Variants in PGBD2 observed in about 807,000 individuals in gnomAD.
PGBD2 encodes piggyBac transposable element-derived protein 2.
Under a neutral mutation model 8.1 loss-of-function variants are expected in PGBD2, and 6 were observed. The observed-to-expected ratio is 0.74, with a 90% CI of 0.40 to 1.46. PGBD2 has a LOEUF of 1.46. Ranked by LOEUF, PGBD2 falls within the 40% of genes most tolerant of loss-of-function variation. The pLI is 0.02. For missense variants in PGBD2, 802 were observed against 739.0 expected, an observed-to-expected ratio of 1.09 and a Z score of -0.99; for synonymous variants, 318 against 272.2, an observed-to-expected ratio of 1.17 and a Z score of -1.66.
chr1:248,929,478 G>T, the PGBD2 span, among the ~76,000 whole-genome samples: 1 of 152,134 alleles, frequency 6.6e-6, no homozygotes, highest in East Asian at 1.9e-4. Flanking sequence ...TCACCCCAGG[G>T]TTCTTTTCAT....
chr1:248,927,953 A>T, the PGBD2 span, among the ~76,000 whole-genome samples: 6 of 152,220 alleles, frequency 3.9e-5, no homozygotes, highest in African/African-American at 7.2e-5. Flanking sequence ...GCAGGCTGGG[A>T]AACTCACAGT....
At chr1:248,873,946 A>T in the PGBD2 span, among the ~76,000 whole-genome samples, 1 of 152,160 alleles carries the variant, frequency 6.6e-6, no homozygotes, top group Non-Finnish European at 1.5e-5. Context: ...GTGGGTTCGA[A>T]TCCCACTTCT....
the PGBD2 span, among the ~76,000 whole-genome samples, chr1:248,928,722 C>T: frequency 6.6e-6 from 1 of 152,188 alleles, no homozygotes; most frequent in Non-Finnish European, 1.5e-5. Flanking sequence ...AACAATTCTG[C>T]TTCACTTCAA....
rs771910586 is a variant in PGBD2 at position 248,916,593 on chromosome 1, T to A, written c.18-9T>A. On this transcript the variant is annotated splice_polypyrimidine_tract_variant and intron_variant, in intron 2 of 2. Coordinates refer to ENST00000329291, the MANE Select transcript of PGBD2 (RefSeq NM_170725.3). ...GGCCTCTTCCTGATTCTGTTTCCTG[T>A]CATAACAGAGATGTCATTGCTGGGA... 1 of 1,612,476 alleles carries A rather than the reference T, an allele frequency of 6.2e-7. No homozygotes were observed. The highest frequency in any genetic ancestry group is 1.1e-5 in the South Asian group (1 of 91,006).
the PGBD2 span, among the ~76,000 whole-genome samples, chr1:248,884,427 G>T: frequency 2.0e-5 from 3 of 151,530 alleles, no homozygotes; most frequent in Non-Finnish European, 4.4e-5. Flanking sequence ...TGCAACCTTC[G>T]CCTCCTGGGT....
At chr1:248,890,175 A>C in the PGBD2 span, among the ~76,000 whole-genome samples, 67 of 151,854 alleles carry the variant, frequency 4.4e-4, no homozygotes, top group East Asian at 1.7e-3. Context: ...GATCCGCCTG[A>C]CTCAGCCTCC....
At chr1:248,885,244 C>T in the PGBD2 span, among the ~76,000 whole-genome samples, 1 of 151,882 alleles carries the variant, frequency 6.6e-6, no homozygotes, top group South Asian at 2.1e-4. Flanking sequence ...AAGTGATTCT[C>T]TCACTTCAGT....
the PGBD2 span, among the ~76,000 whole-genome samples, chr1:248,893,543 A>G: frequency 6.6e-6 from 1 of 152,226 alleles, no homozygotes; most frequent in Admixed American, 6.5e-5. Flanking sequence ...GACTGCAAAT[A>G]GTAGGATTTC....
At position 248,918,142 on chromosome 1, in the gene PGBD2, A is replaced by G. The variant is rs527715237; in HGVS notation, c.1558A>G (p.Ile520Val). The change falls in exon 3 of 3, where the codon ATT becomes GTT. Residue 520 changes from isoleucine to valine, a missense_variant. Physicochemically the swap from Ile to Val is conservative, Grantham distance 29 (BLOSUM62 3). Transcript: ENST00000329291. Reference sequence around the variant, plus strand: ...GGACCTCCTTGCCTTCCGGAGATACATTGCCTGTGTGTATCTGGAGAGCAA... The same window carrying G: ...GGACCTCCTTGCCTTCCGGAGATACGTTGCCTGTGTGTATCTGGAGAGCAA... ...QVDLLAFRRY[I>V]ACVYLESNAD... 20 of 1,614,070 alleles carry G rather than the reference A, an allele frequency of 1.2e-5. No homozygotes were observed. Among genetic ancestry groups the G allele is most frequent in the Non-Finnish European group, 1.5e-5 (18 of 1,180,034 alleles).
the PGBD2 span, among the ~76,000 whole-genome samples, chr1:248,928,095 T>A: frequency 8.7e-4 from 132 of 152,286 alleles, no homozygotes; most frequent in East Asian, 0.016. Flanking sequence ...TTGCTTTTTT[T>A]AAAAAAATTC....
At chr1:248,875,308 C>CAAAAAAAAAAAAAAA in the PGBD2 span, among the ~76,000 whole-genome samples, 378 of 108,342 alleles carry the variant, frequency 3.5e-3, no homozygotes, top group Middle Eastern at 0.037. Context: ...AAAAACAAAA[C>CAAAAAAAAAAAAAAA]AAAAAAAAAA....
chr1:248,874,892 ATAGG>A, the PGBD2 span, among the ~76,000 whole-genome samples: 1 of 148,902 alleles, frequency 6.7e-6, no homozygotes, highest in South Asian at 2.2e-4. Flanking sequence ...AGGTAGATAG[ATAGG>A]TAGATAGAGA....
downstream of PGBD2, among the ~76,000 whole-genome samples, chr1:248,923,149 T>G (rs1368434049): frequency 6.6e-6 from 1 of 152,234 alleles, no homozygotes; most frequent in Non-Finnish European, 1.5e-5. Context: ...GATATTGGTT[T>G]ATTCAGGGAT....
In PGBD2 at chr1:248,919,095, A is replaced by G. The variant is rs1018458486; in HGVS notation, c.*732A>G. Reference sequence around the variant, plus strand: ...TTGTCCTTTGTGTTTCAAACAATCCAATTATACTGTTAGTTATTTTAAAAT... The same window carrying G: ...TTGTCCTTTGTGTTTCAAACAATCCGATTATACTGTTAGTTATTTTAAAAT... On this transcript the variant is annotated 3_prime_UTR_variant, in exon 3 of 3. Coordinates refer to ENST00000329291, the MANE Select transcript of PGBD2 (RefSeq NM_170725.3). The G allele has an allele frequency of 6.0e-6, 1 of 167,042 alleles. No homozygotes were observed. The highest frequency in any genetic ancestry group is 1.5e-5 in the Non-Finnish European group (1 of 68,118). The allele number at this position is 167,042 out of a possible 1,614,324, so 10.3% of individuals were successfully genotyped here.
At chr1:248,921,671 G>GCT (rs1455132823), downstream of PGBD2, among the ~76,000 whole-genome samples, 5 of 152,196 alleles carry the variant, frequency 3.3e-5, no homozygotes, top group Non-Finnish European at 5.9e-5. Flanking sequence ...ATTCTGTGAA[G>GCT]AAAGTCAGTG....
At chr1:248,909,300 A>G (rs776277268) in intron 1 of PGBD2, among the ~76,000 whole-genome samples, 58 of 152,084 alleles carry the variant, frequency 3.8e-4, no homozygotes, top group Non-Finnish European at 7.4e-4. Context: ...TTGCGTATGT[A>G]TCCCCCTCTG....
chr1:248,920,216 G>T (rs537269025), downstream of PGBD2, among the ~76,000 whole-genome samples: 8 of 151,974 alleles, frequency 5.3e-5, no homozygotes, highest in South Asian at 1.2e-3. Context: ...TGTTACATAG[G>T]TATACACGTG....
At chr1:248,904,507 C>G (rs1401159509), upstream of PGBD2, among the ~76,000 whole-genome samples, 1 of 152,152 alleles carries the variant, frequency 6.6e-6, no homozygotes, top group Non-Finnish European at 1.5e-5. Context: ...AGTGAGAATT[C>G]TCTCTGGATC....
chr1:248,889,491 T>C, the PGBD2 span, among the ~76,000 whole-genome samples: 2 of 152,206 alleles, frequency 1.3e-5, no homozygotes, highest in Admixed American at 6.5e-5. Context: ...CGACAAATTA[T>C]GAGATAGGTA....
Sources: gnomAD v4.1 joint callset for allele counts (sites outside exome capture counted in the v4.1 genomes callset) on GRCh38, gnomAD v4.1.1 for gene constraint, MANE v1.5 for transcripts, NCBI Gene and HGNC (gene_info 2026-07-23, HGNC 2026-07-21) for gene names.